The following GSE1 variants were observed in gnomAD, a reference collection of about 807,000 sequenced individuals.
The protein encoded by GSE1 is genetic suppressor element 1.
A neutral mutation model predicts 112.6 loss-of-function variants in GSE1; 32 were observed. The ratio of observed to expected loss-of-function variants is 0.28; its 90% CI spans 0.21 to 0.38. GSE1 has a LOEUF of 0.38. GSE1 is among the 10% of genes least tolerant of loss of function. The pLI is 1.00. For synonymous variants in GSE1, 1,115 were observed against 735.6 expected (o/e 1.52, Z -8.35); for missense variants, 2,348 against 1,699.2 (o/e 1.38, Z -6.71).
intron 1 of GSE1, among the ~76,000 whole-genome samples, chr16:85,205,890 C>G (rs543038799): frequency 1.3e-5 from 2 of 152,342 alleles, no homozygotes; most frequent in East Asian, 1.9e-4. Context: ...CAAGTACTTA[C>G]TGAGTGCCGT....
chr16:85,547,678 C>T (rs1265707586), intron 2 of GSE1, among the ~76,000 whole-genome samples: 2 of 150,398 alleles, frequency 1.3e-5, no homozygotes, highest in African/African-American at 2.5e-5. Context: ...GTCAGGAGTT[C>T]GAGACCAGCC....
intron 2 of GSE1, among the ~76,000 whole-genome samples, chr16:85,474,216 G>A (rs2050381350): frequency 6.6e-6 from 1 of 152,228 alleles, no homozygotes; most frequent in African/African-American, 2.4e-5. Context: ...GAGAAGGGGG[G>A]CAGAGGTTTG....
intron 1 of GSE1, among the ~76,000 whole-genome samples, chr16:85,344,329 G>T (rs1247044840): frequency 6.6e-6 from 1 of 152,190 alleles, no homozygotes; most frequent in African/African-American, 2.4e-5. Flanking sequence ...GGCAAGGTTT[G>T]TGAGCAGCCC....
At chr16:85,502,950 T>C (rs1179288503) in intron 2 of GSE1, among the ~76,000 whole-genome samples, 1 of 151,936 alleles carries the variant, frequency 6.6e-6, no homozygotes, top group Non-Finnish European at 1.5e-5. Flanking sequence ...AGGAGGATTA[T>C]CGGAGGAGAC....
intron 1 of GSE1, among the ~76,000 whole-genome samples, chr16:85,561,944 A>G (rs1275026644): frequency 6.6e-6 from 1 of 152,162 alleles, no homozygotes; most frequent in Non-Finnish European, 1.5e-5. Context: ...TCAGGCTGGA[A>G]CCCAACTCCC....
chr16:85,298,136 G>A (rs2045418657), intron 1 of GSE1, among the ~76,000 whole-genome samples: 1 of 152,190 alleles, frequency 6.6e-6, no homozygotes, highest in South Asian at 2.1e-4. Context: ...TATTAGAAAA[G>A]CGGATTCGAA....
rs973440862 is a variant in GSE1 at position 85,373,073 on chromosome 16, T to A, written c.2464+15430T>A. On this transcript the variant is annotated intron_variant, in intron 2 of 2. Transcript: ENST00000637419. The surrounding 1 kb of genome is among the most constrained non-coding windows in gnomAD (Gnocchi z 5.1). ...CCAGAATCACCTGCACGGCTTTGAC[T>A]GTGAGGGCAGTGGGCTGTGGCCTTC... Among the ~76,000 whole-genome samples, 3 of 152,268 alleles carry A rather than the reference T, an allele frequency of 2.0e-5. No homozygotes were observed. Among genetic ancestry groups the A allele is most frequent in the Non-Finnish European group, 4.4e-5 (3 of 68,040 alleles).
chr16:85,529,455 C>T (rs2052474110), intron 2 of GSE1, among the ~76,000 whole-genome samples: 1 of 152,176 alleles, frequency 6.6e-6, no homozygotes, highest in Non-Finnish European at 1.5e-5. Context: ...ATTTCTTCCC[C>T]ACATTTAAAC....
In GSE1 at chr16:85,514,433, C is replaced by G. The variant is rs1020470712; in HGVS notation, c.2465-119481C>G. Among the ~76,000 whole-genome samples the G allele has an allele frequency of 9.1e-5, 10 of 109,430 alleles. No individual in the cohort carries two copies. In the East Asian group the frequency reaches 4.1e-3, roughly 45 times the overall value. 71.8% of individuals were successfully genotyped at this position (109,430 alleles called of 152,430 possible). A position where few individuals can be genotyped will look rare whatever the true frequency, so the allele number is the denominator to read the frequency against. On this transcript the variant is annotated intron_variant, in intron 2 of 2. Transcript: ENST00000637419. ...TGCCCGCATGCTCTCGAGTCCCCCC[C>G]CCCACCCCAGGGCAGCTCCTGGGGC...
chr16:85,331,493 G>GTATATGTGTATATATGTA, intron 1 of GSE1, among the ~76,000 whole-genome samples: 2 of 112,938 alleles, frequency 1.8e-5, no homozygotes, highest in Admixed American at 2.2e-4. Context: ...GTATATATGT[G>GTATATGTGTATATATGTA]TATATGTGTA....
At chr16:85,605,217 C>T (rs536288726) in intron 1 of GSE1, among the ~76,000 whole-genome samples, 11 of 151,724 alleles carry the variant, frequency 7.3e-5, no homozygotes, top group Admixed American at 3.9e-4. Flanking sequence ...AGCCAGGGGC[C>T]GGCAGGGGCT....
chr16:85,621,267 C>T (rs1031817130), intron 1 of GSE1, among the ~76,000 whole-genome samples: 6 of 152,106 alleles, frequency 3.9e-5, no homozygotes, highest in African/African-American at 1.2e-4. Flanking sequence ...TGGGTCTGTG[C>T]TCTGTTGGGG....
intron 1 of GSE1, among the ~76,000 whole-genome samples, chr16:85,228,116 A>C (rs917216228): frequency 6.6e-6 from 1 of 152,210 alleles, no homozygotes; most frequent in Non-Finnish European, 1.5e-5. Flanking sequence ...CAGCACGGGC[A>C]GAGGCCCCGA....
intron 2 of GSE1, among the ~76,000 whole-genome samples, chr16:85,367,844 C>CTTT (rs5818532): frequency 0.18 from 20,996 of 114,702 alleles, 2,589 homozygotes; most frequent in East Asian, 0.5. Context: ...AAATAAGATT[C>CTTT]TTTTTTTTTT....
intron 2 of GSE1, among the ~76,000 whole-genome samples, chr16:85,358,786 C>T (rs74699327): frequency 0.02 from 3,020 of 152,306 alleles, 110 homozygotes; most frequent in African/African-American, 0.068. Flanking sequence ...GGCCACAAAA[C>T]AGGCCAGGCA....
intron 1 of GSE1, among the ~76,000 whole-genome samples, chr16:85,314,667 TG>T (rs1402838964): frequency 6.6e-6 from 1 of 152,170 alleles, no homozygotes; most frequent in East Asian, 1.9e-4. Context: ...TCCCCATGCA[TG>T]GCGGGCCTGG....
intron 1 of GSE1, among the ~76,000 whole-genome samples, chr16:85,226,266 A>G (rs374649538): frequency 1.1e-4 from 17 of 152,246 alleles, no homozygotes; most frequent in African/African-American, 4.1e-4. Context: ...TTGGTTTCCC[A>G]GGACCTCTTT....
At chr16:85,193,458 GT>G (rs2074866125) in intron 1 of GSE1, among the ~76,000 whole-genome samples, 1 of 148,532 alleles carries the variant, frequency 6.7e-6, no homozygotes, top group Non-Finnish European at 1.5e-5. Flanking sequence ...TCTTTTTTTT[GT>G]TTTTTGCTTT....
chr16:85,306,591 C>G (rs2045685487), intron 1 of GSE1, among the ~76,000 whole-genome samples: 1 of 152,168 alleles, frequency 6.6e-6, no homozygotes, highest in African/African-American at 2.4e-5. Flanking sequence ...CTCTGTCACC[C>G]AGGCTGGAGT....
Sources: allele counts gnomAD v4.1 joint callset (sites outside exome capture counted in the v4.1 genomes callset), GRCh38; gene constraint gnomAD v4.1.1; non-coding constraint Gnocchi (gnomAD v3.1); transcripts MANE v1.5; gene names NCBI Gene and HGNC (gene_info 2026-07-23, HGNC 2026-07-21).